C7orf78: variants seen among roughly 807,000 people sequenced by gnomAD.
The protein encoded by C7orf78 is chromosome 7 open reading frame 78, also known as putative uncharacterized protein C7orf78.
the C7orf78 span, among the ~76,000 whole-genome samples, chr7:12,493,688 C>A: frequency 6.6e-6 from 1 of 152,162 alleles, no homozygotes; most frequent in Non-Finnish European, 1.5e-5. Flanking sequence ...GATGTATAAT[C>A]TTGGGCAAGC....
the C7orf78 span, among the ~76,000 whole-genome samples, chr7:12,516,563 C>T: frequency 2.6e-5 from 4 of 152,212 alleles, no homozygotes; most frequent in Non-Finnish European, 5.9e-5. Flanking sequence ...GATCCACTGA[C>T]AGCTTGCACC....
At chr7:12,533,498 G>A in the C7orf78 span, among the ~76,000 whole-genome samples, 5 of 146,098 alleles carry the variant, frequency 3.4e-5, no homozygotes, top group African/African-American at 1.3e-4. Flanking sequence ...ACAGCGCCCA[G>A]CCACCAAAGG....
At chr7:12,519,052 G>A in the C7orf78 span, among the ~76,000 whole-genome samples, 3 of 152,214 alleles carry the variant, frequency 2.0e-5, no homozygotes, top group African/African-American at 7.2e-5. Context: ...TCAGCTCCCT[G>A]CTGCAGTAGT....
chr7:12,507,026 G>T, the C7orf78 span: 1 of 435,390 alleles, frequency 2.3e-6, no homozygotes, highest in Non-Finnish European at 4.6e-6. Context: ...GAAAAGGGCC[G>T]GGCGCGGTGT....
chr7:12,507,652 G>T, the C7orf78 span, among the ~76,000 whole-genome samples: 1 of 152,194 alleles, frequency 6.6e-6, no homozygotes, highest in Non-Finnish European at 1.5e-5. Flanking sequence ...TAATTAGACA[G>T]TATCACTAAC....
the C7orf78 span, among the ~76,000 whole-genome samples, chr7:12,495,249 A>G: frequency 1.3e-5 from 2 of 152,170 alleles, no homozygotes; most frequent in East Asian, 3.8e-4. Flanking sequence ...TCTATTCCCT[A>G]TCCCACACTG....
At chr7:12,506,898 GT>G in the C7orf78 span, 4 of 477,802 alleles carry the variant, frequency 8.4e-6, no homozygotes, top group Non-Finnish European at 8.5e-6. Context: ...TTAAGAACAT[GT>G]TTTTGGTTGG....
At chr7:12,488,455 T>C in the C7orf78 span, among the ~76,000 whole-genome samples, 1 of 152,126 alleles carries the variant, frequency 6.6e-6, no homozygotes, top group Non-Finnish European at 1.5e-5. Flanking sequence ...TTACTGTCAA[T>C]TATACTTTTA....
the C7orf78 span, chr7:12,528,813 C>T: frequency 1.2e-4 from 46 of 396,664 alleles, no homozygotes; most frequent in Non-Finnish European, 1.7e-4. Flanking sequence ...ACTCCTGGGT[C>T]CTGATCTCCA....
At chr7:12,541,558 C>A in the C7orf78 span, 5 of 151,500 alleles carry the variant, frequency 3.3e-5, no homozygotes, top group African/African-American at 1.2e-4. Context: ...ATTCATGACA[C>A]AGTGAAGTTC....
the C7orf78 span, among the ~76,000 whole-genome samples, chr7:12,489,033 A>G: frequency 6.6e-6 from 1 of 151,886 alleles, no homozygotes; most frequent in Non-Finnish European, 1.5e-5. Flanking sequence ...GGAATACCCA[A>G]ATGCTGGCTA....
chr7:12,492,425 A>T, the C7orf78 span, among the ~76,000 whole-genome samples: 2 of 152,240 alleles, frequency 1.3e-5, no homozygotes, highest in African/African-American at 4.8e-5. Flanking sequence ...TATTTTTCAA[A>T]GAGATTCAAA....
chr7:12,534,672 AG>A, the C7orf78 span, among the ~76,000 whole-genome samples: 1 of 152,168 alleles, frequency 6.6e-6, no homozygotes, highest in Non-Finnish European at 1.5e-5. Flanking sequence ...AAATAACAGG[AG>A]GCTGGGCATA....
the C7orf78 span, among the ~76,000 whole-genome samples, chr7:12,515,974 A>G: frequency 6.6e-6 from 1 of 152,238 alleles, no homozygotes; most frequent in Non-Finnish European, 1.5e-5. Flanking sequence ...ATAGAAAAGA[A>G]AAACCCATTT....
At chr7:12,536,262 A>G in the C7orf78 span, among the ~76,000 whole-genome samples, 2 of 152,108 alleles carry the variant, frequency 1.3e-5, no homozygotes, top group South Asian at 2.1e-4. Context: ...CCAAACCTCA[A>G]TTCTTGACTT....
chr7:12,495,770 A>C, the C7orf78 span, among the ~76,000 whole-genome samples: 2 of 152,178 alleles, frequency 1.3e-5, 1 homozygote, highest in South Asian at 4.1e-4. Flanking sequence ...AGTAAATTTT[A>C]AGTTATTCCA....
chr7:12,518,590 G>GC, the C7orf78 span, among the ~76,000 whole-genome samples: 1 of 152,134 alleles, frequency 6.6e-6, no homozygotes. Context: ...AGGTGAGTGG[G>GC]CCCATCTTCA....
chr7:12,535,869 A>T, the C7orf78 span, among the ~76,000 whole-genome samples: 1 of 152,116 alleles, frequency 6.6e-6, no homozygotes, highest in African/African-American at 2.4e-5. Context: ...ATCTCCTTTG[A>T]CTCCATGTCT....
the C7orf78 span, among the ~76,000 whole-genome samples, chr7:12,537,412 G>A: frequency 6.6e-6 from 1 of 152,188 alleles, no homozygotes; most frequent in Admixed American, 6.5e-5. Flanking sequence ...ATGGCACATG[G>A]GAATTGTGGG....
Sources: gnomAD v4.1 joint callset for allele counts (sites outside exome capture counted in the v4.1 genomes callset) on GRCh38, gnomAD v4.1.1 for gene constraint, MANE v1.5 for transcripts, NCBI Gene and HGNC (gene_info 2026-07-23, HGNC 2026-07-21) for gene names.